SLC38A6: variants seen among roughly 807,000 people sequenced by gnomAD.
SLC38A6 encodes N system amino acid transporter NAT-1.
In SLC38A6, 73 loss-of-function variants were observed where a neutral mutation model predicts 65.0. That is an observed-to-expected ratio of 1.12 (90% CI 0.93 to 1.37). The LOEUF (loss-of-function observed/expected upper bound fraction) is 1.37, where lower values mean the gene tolerates loss of function less well. Among genes scored for constraint, SLC38A6 ranks in the 40% most tolerant of loss-of-function variants. The pLI is 0.00. For missense variants in SLC38A6, 561 were observed against 531.1 expected (o/e 1.06, Z -0.55); for synonymous variants, 183 against 178.8 (o/e 1.02, Z -0.19).
At chr14:61,070,241 C>T (rs2043186137) in intron 15 of SLC38A6, among the ~76,000 whole-genome samples, 1 of 152,192 alleles carries the variant, frequency 6.6e-6, no homozygotes, top group South Asian at 2.1e-4. Context: ...TGGCAACTGC[C>T]ATTTTACTTT....
chr14:61,011,310 A>G (rs906803771), intron 3 of SLC38A6, among the ~76,000 whole-genome samples: 2 of 152,162 alleles, frequency 1.3e-5, no homozygotes, highest in African/African-American at 2.4e-5. Flanking sequence ...GAGATATACA[A>G]TCATGTCATC....
At chr14:61,066,299 TTC>T (rs1482715099) in intron 15 of SLC38A6, among the ~76,000 whole-genome samples, 11 of 152,172 alleles carry the variant, frequency 7.2e-5, no homozygotes, top group Admixed American at 6.5e-5. Context: ...TCAGAATCCT[TTC>T]TGTTTGTCAC....
Position 61,052,134 on chromosome 14 carries a change from G to C in SLC38A6, c.1289G>C (p.Gly430Ala). Residue 430 changes from glycine (G) to alanine (A), a missense_variant and splice_region_variant, in exon 15 of 16, where the codon GGG becomes GCG. By Grantham distance (60) the Gly-to-Ala change is moderately conservative. Coordinates refer to ENST00000267488, the MANE Select transcript of SLC38A6 (RefSeq NM_153811.3). ...GATTTTCTGTCATGGAAAAAGCTTG[G>C]GGTAGGTTGTTTTTGTTTCTTTCTT... ...REDFLSWKKLGAFVLLIFGIL... is the reference protein window; with the variant it reads ...REDFLSWKKLAAFVLLIFGIL... 1.3e-6 allele frequency: 2 copies of C among 1,548,288 alleles called. No homozygotes were observed. Among genetic ancestry groups the C allele is most frequent in the Non-Finnish European group, 1.7e-6 (2 of 1,158,760 alleles).
downstream of SLC38A6, among the ~76,000 whole-genome samples, chr14:61,054,935 C>T (rs151270451): frequency 2.0e-3 from 301 of 152,046 alleles, no homozygotes; most frequent in African/African-American, 6.8e-3. Context: ...CTCGTCTTAA[C>T]GCCAGTTTTC....
chr14:61,083,434 C>T (rs1436679678), intron 16 of SLC38A6: 2 of 1,423,942 alleles, frequency 1.4e-6, no homozygotes, highest in South Asian at 1.5e-5. Flanking sequence ...AGGTTGAGGC[C>T]CCAATCCCCA....
rs140905961 is a variant in SLC38A6 at position 61,051,810 on chromosome 14, G to A, written c.1074G>A (p.Met358Ile). 4.7e-5 allele frequency: 76 copies of A among 1,611,648 alleles called. 1 individual carries two copies. The Admixed American group carries it at 1.0e-3, about 22-fold the overall frequency. ...AGGCCAGAAAAGCTGTAACAATGAT[G>A]TTTTTCTCCAATTTTCCATTCTCAT... Reference protein sequence around the residue: ...HFPARKAVTMMFFSNFPFSWI... With the variant: ...HFPARKAVTMIFFSNFPFSWI... The change falls in exon 14 of 16, where the codon ATG (methionine) becomes ATA (isoleucine). Residue 358 changes from methionine (M) to isoleucine (I), a missense_variant. Coordinates refer to ENST00000267488, the MANE Select transcript of SLC38A6 (RefSeq NM_153811.3).
At chr14:61,028,235 G>A (rs77527796) in intron 5 of SLC38A6, among the ~76,000 whole-genome samples, 5,902 of 152,192 alleles carry the variant, frequency 0.039, 194 homozygotes, top group Non-Finnish European at 0.054. Context: ...TACTGAAAGA[G>A]ATGAATGTCT....
At chr14:61,043,658 A>G (rs1230456552) in intron 10 of SLC38A6, among the ~76,000 whole-genome samples, 155 bp downstream of exon 10, 2 of 141,296 alleles carry the variant, frequency 1.4e-5, no homozygotes, top group Admixed American at 1.4e-4. Context: ...GACTACTATT[A>G]TTTAACACAG....
intron 6 of SLC38A6, among the ~76,000 whole-genome samples, chr14:61,031,667 T>A (rs767193351): frequency 2.7e-5 from 4 of 150,938 alleles, no homozygotes; most frequent in African/African-American, 5.0e-5. Flanking sequence ...ACATTTTGAT[T>A]TTATGCTTAG....
chr14:61,051,861 A>G lies in SLC38A6; in HGVS notation c.1125A>G (p.Leu375=). The G allele has an allele frequency of 6.2e-7, 1 of 1,612,564 alleles. No individual in the cohort carries two copies. ...FSWIRHFLIT[L]ALNIIIVLLA... Reference sequence around the variant, plus strand: ...GGATTCGCCATTTTTTGATCACTCTAGCACTCAATATTATCATCGTTTTAC... The same window carrying G: ...GGATTCGCCATTTTTTGATCACTCTGGCACTCAATATTATCATCGTTTTAC... The change falls in exon 14 of 16, where the codon CTA becomes CTG. Residue 375 remains leucine (L), a synonymous_variant. Coordinates refer to ENST00000267488, the MANE Select transcript of SLC38A6 (RefSeq NM_153811.3).
At chr14:61,047,993 A>G (rs1260551969) in intron 12 of SLC38A6, among the ~76,000 whole-genome samples, 1 of 147,042 alleles carries the variant, frequency 6.8e-6, no homozygotes, top group Non-Finnish European at 1.5e-5. Context: ...ATACATACAT[A>G]CATACATACA....
chr14:60,995,236 G>A (rs1174159283), intron 3 of SLC38A6, among the ~76,000 whole-genome samples: 2 of 152,286 alleles, frequency 1.3e-5, no homozygotes, highest in East Asian at 3.9e-4. Context: ...CTAAGTGTCA[G>A]TAAGTGAGTA....
At chr14:61,061,994 C>G (rs917341846) in intron 15 of SLC38A6, among the ~76,000 whole-genome samples, 1 of 152,050 alleles carries the variant, frequency 6.6e-6, no homozygotes, top group South Asian at 2.1e-4. Context: ...CCCACCACTA[C>G]GCCTGGCTAA....
chr14:61,083,698 A>G, exon 17 of SLC38A6: 1 of 1,546,610 alleles, frequency 6.5e-7, no homozygotes. Flanking sequence ...AACCTCCAGA[A>G]CTGTGAGCAA....
intron 13 of SLC38A6, 151 bp downstream of exon 13, chr14:61,050,787 T>A: frequency 1.6e-6 from 1 of 644,612 alleles, no homozygotes; most frequent in Non-Finnish European, 2.3e-6. Flanking sequence ...CATACTTGCA[T>A]ATGGCCCCGT....
At chr14:61,023,487 C>A (rs937870473) in intron 5 of SLC38A6, among the ~76,000 whole-genome samples, 1 of 151,420 alleles carries the variant, frequency 6.6e-6, no homozygotes, top group South Asian at 2.1e-4. Context: ...GCAGGAAAAT[C>A]GTTTAAACCC....
At chr14:61,013,451 C>T (rs938633737) in intron 3 of SLC38A6, among the ~76,000 whole-genome samples, 4 of 152,116 alleles carry the variant, frequency 2.6e-5, no homozygotes, top group Non-Finnish European at 5.9e-5. Flanking sequence ...TTATTTTGCT[C>T]GTTAGTTGAT....
intron 10 of SLC38A6, among the ~76,000 whole-genome samples, chr14:61,044,888 A>G (rs1410749977): frequency 6.6e-6 from 1 of 152,202 alleles, no homozygotes. Context: ...CCTTGGATTG[A>G]GTTCATGAAA....
intron 15 of SLC38A6, among the ~76,000 whole-genome samples, chr14:61,066,804 G>T (rs111283305): frequency 2.0e-5 from 3 of 152,000 alleles, no homozygotes; most frequent in Non-Finnish European, 4.4e-5. Flanking sequence ...TAGTGAACCC[G>T]TGCAGTTGAA....
Sources: gnomAD v4.1 joint callset for allele counts (sites outside exome capture counted in the v4.1 genomes callset) on GRCh38, gnomAD v4.1.1 for gene constraint, MANE v1.5 for transcripts, NCBI Gene and HGNC (gene_info 2026-07-23, HGNC 2026-07-21) for gene names.